SMPX: variants seen among roughly 807,000 people sequenced by gnomAD.
SMPX encodes small muscular protein.
In SMPX, 2 loss-of-function variants were observed where a neutral mutation model predicts 6.3. The ratio of observed to expected loss-of-function variants is 0.32; its 90% CI spans 0.13 to 0.99. The LOEUF is 0.99. Among genes scored for constraint, SMPX ranks in the 50% least tolerant of loss-of-function variants. The pLI, the probability that SMPX is intolerant of heterozygous loss-of-function variation, is 0.49. For missense variants in SMPX, 60 were observed against 66.8 expected (o/e 0.90, Z 0.36); for synonymous variants, 32 against 24.7 (o/e 1.30, Z -0.88).
intron 2 of SMPX, among the ~76,000 whole-genome samples, chrX:21,751,780 G>C (rs968704095): frequency 2.7e-5 from 3 of 112,056 alleles, no homozygotes; most frequent in African/African-American, 9.7e-5. Context: ...GAACATTTCA[G>C]AGCTTTAAAT....
At chrX:21,741,804 C>T (rs951433451) in intron 3 of SMPX, among the ~76,000 whole-genome samples, 6 of 111,482 alleles carry the variant, frequency 5.4e-5, no homozygotes, top group African/African-American at 2.0e-4. Flanking sequence ...AAAACAGAAA[C>T]ATCCCTGGGG....
intron 4 of SMPX, among the ~76,000 whole-genome samples, chrX:21,709,022 G>C (rs948195719): frequency 8.9e-6 from 1 of 112,680 alleles, no homozygotes; most frequent in Non-Finnish European, 1.9e-5. Context: ...ATTCCAGTGT[G>C]TGTGTTACCA....
In SMPX at chrX:21,710,722, G is replaced by A. The variant is rs764446954; in HGVS notation, c.*15-4328C>T. ...TACTTACTGCAGCTGAGAGCCAAGG[G>A]AGGCCTGAATACAACTGTGAAGAGG... is the stretch of plus-strand genomic sequence containing the variant. On this transcript the variant is annotated intron_variant, in intron 4 of 4. Coordinates refer to ENST00000379494, the MANE Select transcript of SMPX (RefSeq NM_014332.3). 9.0e-5 allele frequency among the ~76,000 whole-genome samples: 10 copies of A among 111,454 alleles called. No individual in the cohort carries two copies. In the East Asian group the frequency reaches 2.8e-3, roughly 31 times the overall value.
intron 2 of SMPX, among the ~76,000 whole-genome samples, chrX:21,745,270 G>A (rs765499567): frequency 1.8e-5 from 2 of 111,531 alleles, no homozygotes; most frequent in Non-Finnish European, 3.8e-5. Flanking sequence ...AAAACCTAAG[G>A]CTGAGCTTTC....
rs757182764 is a variant in SMPX at position 21,721,346 on chromosome X, T to C, written c.*15-14952A>G. Among the ~76,000 whole-genome samples, 24 of 112,124 alleles carry C rather than the reference T, an allele frequency of 2.1e-4. No individual in the cohort carries two copies. In the South Asian group the frequency reaches 9.1e-3, roughly 42 times the overall value. ...AACTTAGTATCTCTTTCCCATGTCC[T>C]ATCCCAAATAGAAGCCATGGCTCAC... On this transcript the variant is annotated intron_variant, in intron 4 of 4. Coordinates refer to ENST00000379494, the MANE Select transcript of SMPX (RefSeq NM_014332.3).
At chrX:21,711,930 A>G (rs1260443913) in intron 4 of SMPX, among the ~76,000 whole-genome samples, 1 of 111,971 alleles carries the variant, frequency 8.9e-6, no homozygotes, top group Non-Finnish European at 1.9e-5. Context: ...AAATAAGACA[A>G]ACGCCTGGCA....
At chrX:21,750,351 T>C (rs2092826131) in intron 2 of SMPX, among the ~76,000 whole-genome samples, 1 of 111,809 alleles carries the variant, frequency 8.9e-6, no homozygotes, top group South Asian at 3.8e-4. Flanking sequence ...TGGCAATCTA[T>C]AGTCCGCGGG....
chrX:21,722,481 A>G (rs1393684933), intron 4 of SMPX, among the ~76,000 whole-genome samples: 1 of 111,962 alleles, frequency 8.9e-6, no homozygotes, highest in Non-Finnish European at 1.9e-5. Context: ...ATCTAGAACG[A>G]TCTCAAAAAG....
At chrX:21,726,949 C>T (rs777339895) in intron 4 of SMPX, among the ~76,000 whole-genome samples, 1 of 112,291 alleles carries the variant, frequency 8.9e-6, no homozygotes, top group Non-Finnish European at 1.9e-5. Context: ...TTCTTTGTCA[C>T]CTGTATTCAA....
rs778526859 is a variant in SMPX, at chrX:21,744,077, A to G, written c.46-241T>C. Among the ~76,000 whole-genome samples the G allele has an allele frequency of 3.6e-5, 4 of 111,822 alleles. No individual in the cohort carries two copies. The South Asian group carries it at 1.5e-3, about 42-fold the overall frequency. On this transcript the variant is annotated intron_variant, in intron 2 of 4. Transcript: ENST00000379494. ...TACACATCCTTAGGTCTGTGCAGTGATTTTACAATTTCCTGTTGGATGGCA... is the reference window on the plus strand; with the variant it reads ...TACACATCCTTAGGTCTGTGCAGTGGTTTTACAATTTCCTGTTGGATGGCA...
intron 2 of SMPX, among the ~76,000 whole-genome samples, chrX:21,747,589 C>A (rs1180934779): frequency 1.8e-5 from 2 of 111,486 alleles, no homozygotes; most frequent in Admixed American, 9.5e-5. Flanking sequence ...TCCTCCACAC[C>A]CCTTTCTGTG....
At position 21,731,698 on chromosome X, in the gene SMPX, A is replaced by T. The variant is rs781610433; in HGVS notation, c.*14+5851T>A. ...CACATTAATGTGTACATGTACACAT[A>T]AATGTGTATATGTGTATATGTACAC... is the stretch of plus-strand genomic sequence containing the variant. On this transcript the variant is annotated intron_variant, in intron 4 of 4. Transcript: ENST00000379494. Among the ~76,000 whole-genome samples the T allele has an allele frequency of 7.7e-4, 53 of 68,452 alleles. 1 individual carries two copies. The South Asian group carries it at 9.2e-3, about 12-fold the overall frequency. The allele number at this position is 68,452 out of a possible 115,157, so 59.4% of individuals were successfully genotyped here.
chrX:21,706,259 G>A lies in SMPX; in HGVS notation c.*150C>T, dbSNP rs755757762. The A allele has an allele frequency of 2.0e-6, 1 of 503,688 alleles. No individual in the cohort carries two copies. Among genetic ancestry groups the A allele is most frequent in the Non-Finnish European group, 3.6e-6 (1 of 280,825 alleles). 41.5% of individuals were successfully genotyped at this position (503,688 alleles called of 1,213,427 possible). A position where few individuals can be genotyped will look rare whatever the true frequency, so the allele number is the denominator to read the frequency against. ...AAGAAATACAGCCAACTAGAAGGAA[G>A]AGATATAAATGTACAAACAGGCCAT... On this transcript the variant is annotated 3_prime_UTR_variant, in exon 5 of 5. Coordinates refer to ENST00000379494, the MANE Select transcript of SMPX (RefSeq NM_014332.3).
chrX:21,721,710 A>G (rs2092791879), intron 4 of SMPX, among the ~76,000 whole-genome samples: 1 of 112,307 alleles, frequency 8.9e-6, no homozygotes, highest in Non-Finnish European at 1.9e-5. Context: ...TGAGGACCAT[A>G]GATCTAACTG....
intron 4 of SMPX, among the ~76,000 whole-genome samples, chrX:21,717,379 A>G (rs756690697): frequency 8.9e-6 from 1 of 112,385 alleles, no homozygotes; most frequent in South Asian, 3.7e-4. Context: ...CATCCCAGCC[A>G]TGCTGAACTG....
At chrX:21,715,313 C>CGCGT (rs2092783684) in intron 4 of SMPX, among the ~76,000 whole-genome samples, 1 of 105,446 alleles carries the variant, frequency 9.5e-6, no homozygotes, top group Admixed American at 9.9e-5. Context: ...TGCGCGCACG[C>CGCGT]GCGCGCGCTC....
chrX:21,750,775 TCTGGC>T (rs1206219535), intron 2 of SMPX, among the ~76,000 whole-genome samples: 2 of 112,133 alleles, frequency 1.8e-5, no homozygotes, highest in Non-Finnish European at 3.8e-5. Context: ...TGGTTCTAGT[TCTGGC>T]CTCCCTCTTA....
chrX:21,754,727 G>A (rs2092831003), intron 1 of SMPX, among the ~76,000 whole-genome samples: 1 of 112,192 alleles, frequency 8.9e-6, no homozygotes. Context: ...GGTTGCTATA[G>A]TCCATTGGGA....
intron 4 of SMPX, among the ~76,000 whole-genome samples, chrX:21,709,246 C>A (rs1018742647): frequency 8.1e-5 from 9 of 111,712 alleles, no homozygotes; most frequent in African/African-American, 2.6e-4. Flanking sequence ...CTCAAGTATC[C>A]TATATTCTGA....
Sources: gnomAD v4.1 joint callset for allele counts (sites outside exome capture counted in the v4.1 genomes callset) on GRCh38, gnomAD v4.1.1 for gene constraint, MANE v1.5 for transcripts, NCBI Gene and HGNC (gene_info 2026-07-23, HGNC 2026-07-21) for gene names.